OCA2: variants seen among roughly 807,000 people sequenced by gnomAD.
OCA2 encodes the protein P protein.
OCA2 carries 77 observed loss-of-function variants against 100.2 expected under a neutral mutation model. The ratio of observed to expected loss-of-function variants is 0.77; its 90% CI spans 0.64 to 0.93. The LOEUF (loss-of-function observed/expected upper bound fraction) is 0.93, where lower values mean the gene tolerates loss of function less well. Ranked by LOEUF, OCA2 falls within the 40% of genes least tolerant of loss-of-function variation. The pLI is 0.00. For missense variants in OCA2, 1,062 were observed against 1,089.1 expected, an observed-to-expected ratio of 0.98 and a Z score of 0.35; for synonymous variants, 432 against 439.2, an observed-to-expected ratio of 0.98 and a Z score of 0.21.
At chr15:28,082,018 T>G (rs1303027780) in intron 1 of OCA2, 123 bp from the exon 2 acceptor site, 1 of 795,562 alleles carries the variant, frequency 1.3e-6, no homozygotes, top group Admixed American at 2.1e-5. Flanking sequence ...TCCAGCATCC[T>G]AACCACGCAA....
chr15:27,946,345 C>T (rs564299261), intron 18 of OCA2, among the ~76,000 whole-genome samples: 2 of 152,110 alleles, frequency 1.3e-5, no homozygotes, highest in African/African-American at 2.4e-5. Flanking sequence ...TCAGACAAAG[C>T]GAAAACCTAA....
chr15:27,888,311 A>G (rs918840414), intron 19 of OCA2, among the ~76,000 whole-genome samples: 1 of 152,234 alleles, frequency 6.6e-6, no homozygotes, highest in Non-Finnish European at 1.5e-5. Context: ...AAACTTAAAC[A>G]GGTTGACTGC....
intron 9 of OCA2, among the ~76,000 whole-genome samples, chr15:28,004,921 T>C (rs568630270): frequency 2.8e-4 from 42 of 152,314 alleles, no homozygotes; most frequent in African/African-American, 9.9e-4. Context: ...GATCTTTTGA[T>C]GACAGACAAG....
intron 2 of OCA2, among the ~76,000 whole-genome samples, chr15:28,066,273 C>A (rs1047838309): frequency 3.3e-5 from 5 of 152,082 alleles, no homozygotes; most frequent in Admixed American, 2.6e-4. Context: ...GAAAGATAAG[C>A]CATGTTCCTA....
At chr15:27,805,567 C>T (rs999049905) in intron 23 of OCA2, among the ~76,000 whole-genome samples, 6 of 152,282 alleles carry the variant, frequency 3.9e-5, no homozygotes, top group East Asian at 1.9e-4. Context: ...GGCAGCTGCC[C>T]GGGTGTTGGC....
At chr15:27,727,915 A>G in the OCA2 span, among the ~76,000 whole-genome samples, 1 of 152,184 alleles carries the variant, frequency 6.6e-6, no homozygotes, top group East Asian at 1.9e-4. Flanking sequence ...TTGCTGTTTA[A>G]GACAACGTAT....
chr15:28,040,925 C>G (rs971780806), intron 2 of OCA2, among the ~76,000 whole-genome samples: 1 of 152,074 alleles, frequency 6.6e-6, no homozygotes, highest in Non-Finnish European at 1.5e-5. Flanking sequence ...AAATTAACAC[C>G]AATTCTTCTC....
At chr15:27,871,672 C>T (rs527348974) in intron 20 of OCA2, among the ~76,000 whole-genome samples, 191 bp downstream of exon 20, 11 of 152,238 alleles carry the variant, frequency 7.2e-5, no homozygotes, top group Non-Finnish European at 5.9e-5. Context: ...GAGCAGGCAT[C>T]TGTAATTACA....
At chr15:27,747,169 AG>A in the OCA2 span, among the ~76,000 whole-genome samples, 1 of 152,164 alleles carries the variant, frequency 6.6e-6, no homozygotes, top group Non-Finnish European at 1.5e-5. Context: ...CACAGTGAGG[AG>A]GGGACTCCAC....
chr15:27,834,209 A>ATT (rs2035064051), intron 23 of OCA2, among the ~76,000 whole-genome samples: 1 of 152,186 alleles, frequency 6.6e-6, no homozygotes, highest in Non-Finnish European at 1.5e-5. Flanking sequence ...ATGGCCAATG[A>ATT]TGTAATCAAT....
intron 2 of OCA2, among the ~76,000 whole-genome samples, chr15:28,074,567 G>A (rs539525942): frequency 2.0e-5 from 3 of 152,150 alleles, no homozygotes; most frequent in East Asian, 3.9e-4. Flanking sequence ...CCATCTAATC[G>A]GGAGGCTGAG....
At chr15:27,949,649 T>C (rs919681700) in intron 18 of OCA2, among the ~76,000 whole-genome samples, 3 of 151,898 alleles carry the variant, frequency 2.0e-5, no homozygotes, top group African/African-American at 7.3e-5. Context: ...AGCAACAGAG[T>C]GAGACTCTGT....
chr15:27,981,572 T>C (rs1192778959), intron 14 of OCA2, among the ~76,000 whole-genome samples: 1 of 152,226 alleles, frequency 6.6e-6, no homozygotes, highest in Non-Finnish European at 1.5e-5. Flanking sequence ...CCCTCATAAC[T>C]GAGGCAAGAC....
chr15:27,823,383 A>G (rs1566993356), intron 23 of OCA2, among the ~76,000 whole-genome samples: 1 of 124,968 alleles, frequency 8.0e-6, no homozygotes, highest in African/African-American at 2.8e-5. Flanking sequence ...ATTTGTATAA[A>G]TAAGTCATAT....
rs1396072913 is a variant in OCA2 at position 27,933,261 on chromosome 15, C to T, written c.1952-7007G>A. Among the ~76,000 whole-genome samples the T allele has an allele frequency of 3.3e-5, 5 of 150,396 alleles. No individual in the cohort carries two copies. The East Asian group carries it at 7.9e-4, about 24-fold the overall frequency. ...GGAGGAAAATATTCAGTATATTGGA[C>T]TTGGCAGTGATTTCTAGGCTATGAC... On this transcript the variant is annotated intron_variant, in intron 18 of 23. Transcript: ENST00000354638.
chr15:28,076,853 CAAAAAAAAA>C lies in OCA2; in HGVS notation c.227+4786_227+4794del, dbSNP rs575299612. 2.3e-4 allele frequency among the ~76,000 whole-genome samples: 14 copies of C among 60,752 alleles called. No homozygotes were observed. In the East Asian group the frequency reaches 6.1e-3, roughly 26 times the overall value. 39.9% of individuals were successfully genotyped at this position (60,752 alleles called of 152,430 possible). Reference sequence around the variant, plus strand: ...TGGGCGACAGAGCGAGACTCCGTCTCAAAAAAAAAAAAAAAAAAAAAATAGATAATTTAA... The same window carrying C: ...TGGGCGACAGAGCGAGACTCCGTCTCAAAAAAAAAAAAATAGATAATTTAA... On this transcript the variant is annotated intron_variant, in intron 2 of 23. Transcript: ENST00000354638.
intron 19 of OCA2, among the ~76,000 whole-genome samples, chr15:27,878,017 T>G (rs937186929): frequency 2.7e-5 from 4 of 150,856 alleles, no homozygotes; most frequent in African/African-American, 9.7e-5. Context: ...TTTAATTAAT[T>G]TTTAATTATA....
chr15:27,848,316 G>C (rs2035611284), intron 22 of OCA2, among the ~76,000 whole-genome samples: 1 of 152,206 alleles, frequency 6.6e-6, no homozygotes. Flanking sequence ...ATCTCCTGGG[G>C]TGGTTGTGGG....
chr15:28,044,658 T>C (rs556052354), intron 2 of OCA2, among the ~76,000 whole-genome samples: 100 of 152,374 alleles, frequency 6.6e-4, no homozygotes, highest in Non-Finnish European at 1.1e-3. Flanking sequence ...TCTTGTGTTC[T>C]ATCAGTTTTT....
Sources: gnomAD v4.1 joint callset for allele counts (sites outside exome capture counted in the v4.1 genomes callset) on GRCh38, gnomAD v4.1.1 for gene constraint, MANE v1.5 for transcripts, NCBI Gene and HGNC (gene_info 2026-07-23, HGNC 2026-07-21) for gene names.